The following KRT20 variants were observed in gnomAD, a reference collection of about 807,000 sequenced individuals.
KRT20 encodes keratin 20.
In KRT20, 41 loss-of-function variants were observed where a neutral mutation model predicts 43.0. The ratio of observed to expected loss-of-function variants is 0.95; its 90% CI spans 0.74 to 1.24. The LOEUF (loss-of-function observed/expected upper bound fraction) is 1.24, where lower values mean the gene tolerates loss of function less well. Among genes scored for constraint, KRT20 ranks in the 50% most tolerant of loss-of-function variants. KRT20 has a pLI of 0.00. For missense variants in KRT20, 533 were observed against 521.2 expected, an observed-to-expected ratio of 1.02 and a Z score of -0.22; for synonymous variants, 207 against 200.6, an observed-to-expected ratio of 1.03 and a Z score of -0.27.
chr17:40,882,442 T>C, intron 2 of KRT20, 130 bp downstream of exon 2: 1 of 370,832 alleles, frequency 2.7e-6, no homozygotes, highest in Non-Finnish European at 5.0e-6. Context: ...TCTAACCTCC[T>C]TTAGGCTTCA....
rs201825227 is a variant in KRT20 at position 40,879,938 on chromosome 17, T to C, written c.793A>G (p.Thr265Ala). 60 of 1,613,028 alleles carry C rather than the reference T, an allele frequency of 3.7e-5. No homozygotes were observed. Among genetic ancestry groups the C allele is most frequent in the Admixed American group, 3.3e-4 (20 of 59,848 alleles). The change falls in exon 5 of 8, where the codon ACT (threonine) becomes GCT (alanine). Residue 265 changes from threonine to alanine, a missense_variant and splice_region_variant. Physicochemically the swap from Thr to Ala is moderately conservative, Grantham distance 58. Coordinates refer to ENST00000167588, the MANE Select transcript of KRT20 (RefSeq NM_019010.3). ...QEAKEQFERQ[T>A]AVLQQQVTVN... ...GTGACCTGTTGCTGCAGAACTGCAG[T>C]CTACAGTGCCAAGAGTGAAAAAAAA... is the stretch of plus-strand genomic sequence containing the variant.
At chr17:40,876,579 C>A (rs559182045) in intron 7 of KRT20, 121 bp from the exon 8 acceptor site, 6 of 527,798 alleles carry the variant, frequency 1.1e-5, no homozygotes, top group African/African-American at 9.7e-5. Context: ...TATGTTAAAC[C>A]CATCCTCTTT....
chr17:40,879,824 G>A lies in KRT20; in HGVS notation c.907C>T (p.His303Tyr). 6.2e-7 allele frequency: 1 copy of A among 1,612,894 alleles called. No individual in the cohort carries two copies. The highest frequency in any genetic ancestry group is 2.2e-5 in the East Asian group (1 of 44,872). The change falls in exon 5 of 8, where the codon CAT (histidine) becomes TAT (tyrosine). Residue 303 changes from histidine to tyrosine, a missense_variant. His to Tyr is a moderately conservative substitution (Grantham distance 83). Coordinates refer to ENST00000167588, the MANE Select transcript of KRT20 (RefSeq NM_019010.3). ...SQSLEIELQSHLSMKESLEHT... is the reference protein window; with the variant it reads ...SQSLEIELQSYLSMKESLEHT... ...TAGATATGCTTTACCATGCTGAGAT[G>A]GGACTGGAGTTCTATCTCAAGGCTC...
intron 6 of KRT20, among the ~76,000 whole-genome samples, chr17:40,877,716 AGGTAT>A (rs1907406697): frequency 6.6e-6 from 1 of 152,200 alleles, no homozygotes; most frequent in Admixed American, 6.5e-5. Flanking sequence ...TGATATTCTT[AGGTAT>A]GGTATCTGAA....
At chr17:40,880,025 A>T in intron 4 of KRT20, 75 bp downstream of exon 4, 1 of 1,595,486 alleles carries the variant, frequency 6.3e-7, no homozygotes, top group Non-Finnish European at 8.5e-7. Context: ...TGAACAAATG[A>T]AAAAGAAAAT....
Position 40,885,220 on chromosome 17 carries a change from G to T in KRT20, c.-35C>A. ...CAGGAGGGAGCACCTGTAGCTTCAG[G>T]ATGGTTGGGGCAGAGTGTGTCTCAT... On this transcript the variant is annotated 5_prime_UTR_variant, in exon 1 of 8. Coordinates refer to ENST00000167588, the MANE Select transcript of KRT20 (RefSeq NM_019010.3). 6.5e-7 allele frequency: 1 copy of T among 1,549,258 alleles called. No individual in the cohort carries two copies.
chr17:40,876,199 A>T lies in KRT20; in HGVS notation c.*162T>A. On this transcript the variant is annotated 3_prime_UTR_variant, in exon 8 of 8. Coordinates refer to ENST00000167588, the MANE Select transcript of KRT20 (RefSeq NM_019010.3). The stretch of plus-strand genomic sequence containing the variant: ...TCCTCTGAGTAAAACATTTATATTC[A>T]ATTACAGAGTCTGATAAATAGGATT... The T allele has an allele frequency of 2.0e-6, 1 of 501,618 alleles. No individual in the cohort carries two copies. The highest frequency in any genetic ancestry group is 3.6e-6 in the Non-Finnish European group (1 of 279,606). 31.1% of individuals were successfully genotyped at this position (501,618 alleles called of 1,614,324 possible). A position where few individuals can be genotyped will look rare whatever the true frequency, so the allele number is the denominator to read the frequency against.
intron 2 of KRT20, among the ~76,000 whole-genome samples, chr17:40,882,262 A>G (rs760168596): frequency 1.3e-5 from 2 of 152,188 alleles, no homozygotes; most frequent in Non-Finnish European, 2.9e-5. Flanking sequence ...TTACTTTGTT[A>G]TTACTCCAAA....
chr17:40,885,169 C>T lies in KRT20; in HGVS notation c.17G>A (p.Arg6Lys). The change falls in exon 1 of 8, where the codon AGA (arginine) becomes AAA (lysine). Residue 6 changes from arginine (R) to lysine (K), a missense_variant. Physicochemically the swap from Arg to Lys is conservative, Grantham distance 26 (BLOSUM62 2). Coordinates refer to ENST00000167588, the MANE Select transcript of KRT20 (RefSeq NM_019010.3). MDFSR[R>K]SFHRSLSSSL... The stretch of plus-strand genomic sequence containing the variant: ...GGAGCTCAGGCTTCTGTGGAAGCTT[C>T]TGCGACTGAAATCCATTGGAGATTC... The T allele has an allele frequency of 6.2e-7, 1 of 1,602,292 alleles. No homozygotes were observed. The highest frequency in any genetic ancestry group is 8.5e-7 in the Non-Finnish European group (1 of 1,174,988).
intron 3 of KRT20, 65 bp downstream of exon 3, chr17:40,880,549 C>A: frequency 7.1e-7 from 1 of 1,407,674 alleles, no homozygotes; most frequent in South Asian, 1.2e-5. Context: ...TCCCGCTCCT[C>A]CTATTATTAG....
At chr17:40,884,338 CTGCAG>C (rs1907716578) in intron 1 of KRT20, among the ~76,000 whole-genome samples, 1 of 152,158 alleles carries the variant, frequency 6.6e-6, no homozygotes, top group South Asian at 2.1e-4. Context: ...CTATTTAAAT[CTGCAG>C]TACAGTATTC....
intron 5 of KRT20, among the ~76,000 whole-genome samples, chr17:40,879,528 G>T (rs557175504): frequency 2.6e-4 from 40 of 152,058 alleles, no homozygotes; most frequent in Non-Finnish European, 1.3e-4. Context: ...TCATAAATCT[G>T]CACATGTACT....
rs1907515941 is a variant in KRT20 at position 40,879,880 on chromosome 17, A to C, written c.851T>G (p.Val284Gly). The change falls in exon 5 of 8, where the codon GTT becomes GGT. Residue 284 changes from valine to glycine, a missense_variant. Coordinates refer to ENST00000167588, the MANE Select transcript of KRT20 (RefSeq NM_019010.3). ...GGTGCGTCTCAGCTCCGTTAGTTGA[A>C]CCTCAGTTCCTTTTAATTCTTCAGT... ...VNTEELKGTEVQLTELRRTSQ... is the reference protein window; with the variant it reads ...VNTEELKGTEGQLTELRRTSQ... 1.9e-6 allele frequency: 3 copies of C among 1,613,582 alleles called. No individual in the cohort carries two copies. The East Asian group carries it at 6.7e-5, about 36-fold the overall frequency.
intron 2 of KRT20, 106 bp from the exon 3 acceptor site, chr17:40,880,876 C>A: frequency 1.3e-6 from 1 of 765,338 alleles, no homozygotes; most frequent in South Asian, 3.3e-5. Flanking sequence ...ATGAGGAGAT[C>A]AATTTCAATA....
Position 40,876,031 on chromosome 17 carries a change from G to C in KRT20, c.*330C>G, listed in dbSNP as rs1439331053. The C allele has an allele frequency of 5.0e-6, 1 of 198,672 alleles. No individual in the cohort carries two copies. Among genetic ancestry groups the C allele is most frequent in the Non-Finnish European group, 1.0e-5 (1 of 98,976 alleles). The allele number at this position is 198,672 out of a possible 1,614,324, so 12.3% of individuals were successfully genotyped here. A position where few individuals can be genotyped will look rare whatever the true frequency, so the allele number is the denominator to read the frequency against. On this transcript the variant is annotated 3_prime_UTR_variant, in exon 8 of 8. Transcript: ENST00000167588. ...AGGTTTAGTATAATTGAAATGTATTGCAATTTTCAGGAACATTACCTACAA... is the reference window on the plus strand; with the variant it reads ...AGGTTTAGTATAATTGAAATGTATTCCAATTTTCAGGAACATTACCTACAA...
At chr17:40,881,889 T>C (rs1907615296) in intron 2 of KRT20, among the ~76,000 whole-genome samples, 1 of 151,812 alleles carries the variant, frequency 6.6e-6, no homozygotes, top group African/African-American at 2.4e-5. Context: ...CTTTTTTTTT[T>C]TGAGACAAGG....
At position 40,879,832 on chromosome 17, in the gene KRT20, A is replaced by C. The variant is rs764423057; in HGVS notation, c.899T>G (p.Leu300Arg). 1 of 1,612,928 alleles carries C rather than the reference A, an allele frequency of 6.2e-7. No individual in the cohort carries two copies. The highest frequency in any genetic ancestry group is 1.3e-5 in the African/African-American group (1 of 74,582). The stretch of plus-strand genomic sequence containing the variant: ...CTTTACCATGCTGAGATGGGACTGG[A>C]GTTCTATCTCAAGGCTCTGGGAGGT... Reference protein sequence around the residue: ...RRTSQSLEIELQSHLSMKESL... With the variant: ...RRTSQSLEIERQSHLSMKESL... Residue 300 changes from leucine (L) to arginine (R), a missense_variant, in exon 5 of 8, where the codon CTC becomes CGC. Physicochemically the swap from Leu to Arg is moderately radical, Grantham distance 102 (BLOSUM62 -2). Transcript: ENST00000167588.
At chr17:40,876,570 A>G in intron 7 of KRT20, 112 bp from the exon 8 acceptor site, 1 of 586,960 alleles carries the variant, frequency 1.7e-6, no homozygotes. Context: ...TTAGAAAAAT[A>G]TGTTAAACCC....
Position 40,877,316 on chromosome 17 carries a change from G to A in KRT20, c.1177+64C>T, listed in dbSNP as rs541597630. 594 of 1,112,848 alleles carry A rather than the reference G, an allele frequency of 5.3e-4. 14 individuals carry two copies. In the South Asian group the frequency reaches 8.2e-3, roughly 15 times the overall value. 68.9% of individuals were successfully genotyped at this position (1,112,848 alleles called of 1,614,324 possible). A position where few individuals can be genotyped will look rare whatever the true frequency, so the allele number is the denominator to read the frequency against. ...AACAGCCTCACTTTACTTTTTATCAGTGGCATGTAGTTAATAGAAAGCAGC... is the reference window on the plus strand; with the variant it reads ...AACAGCCTCACTTTACTTTTTATCAATGGCATGTAGTTAATAGAAAGCAGC... On this transcript the variant is annotated intron_variant, in intron 7 of 7. Coordinates refer to ENST00000167588, the MANE Select transcript of KRT20 (RefSeq NM_019010.3).
Sources: gnomAD v4.1 joint callset for allele counts (sites outside exome capture counted in the v4.1 genomes callset) on GRCh38, gnomAD v4.1.1 for gene constraint, MANE v1.5 for transcripts, NCBI Gene and HGNC (gene_info 2026-07-23, HGNC 2026-07-21) for gene names.